Variants in CNTRL observed in about 807,000 individuals in gnomAD.
The protein encoded by CNTRL is 110 kDa centrosomal protein.
Under a neutral mutation model 303.7 loss-of-function variants are expected in CNTRL, and 233 were observed. The observed-to-expected ratio is 0.77, with a 90% CI of 0.69 to 0.86. CNTRL has a LOEUF of 0.86. Among genes scored for constraint, CNTRL ranks in the 40% least tolerant of loss-of-function variants. The pLI is 0.00. For synonymous variants in CNTRL, 900 were observed against 922.2 expected (o/e 0.98, Z 0.44); for missense variants, 2,524 against 2,650.6 (o/e 0.95, Z 1.05).
At chr9:121,117,750 C>T (rs527600390) in intron 11 of CNTRL, among the ~76,000 whole-genome samples, 10 of 152,156 alleles carry the variant, frequency 6.6e-5, no homozygotes, top group South Asian at 2.1e-4. Context: ...GAGGCCGAGA[C>T]GGGTGGATCA....
intron 14 of CNTRL, among the ~76,000 whole-genome samples, chr9:121,132,185 A>G (rs982697505): frequency 9.9e-5 from 15 of 152,116 alleles, no homozygotes; most frequent in Non-Finnish European, 1.8e-4. Context: ...CTGCCTTGCT[A>G]GGTTAGGGAA....
chr9:121,154,768 T>C lies in CNTRL; in HGVS notation c.4220T>C (p.Ile1407Thr). 1 of 1,611,496 alleles carries C rather than the reference T, an allele frequency of 6.2e-7. No homozygotes were observed. Among genetic ancestry groups the C allele is most frequent in the Non-Finnish European group, 8.5e-7 (1 of 1,177,706 alleles). Residue 1407 changes from isoleucine to threonine, a missense_variant, in exon 27 of 44, where the codon ATA (isoleucine) becomes ACA (threonine). Physicochemically the swap from Ile to Thr is moderately conservative, Grantham distance 89 (BLOSUM62 -1). Transcript: ENST00000373855. The part of the protein sequence containing the change: ...NVESLMTELE[I>T]EKSLKHHEDI... ...GAGAGTCTTATGACTGAACTAGAAATAGAAAAATCACTCAAACATCATGAA... is the reference window on the plus strand; with the variant it reads ...GAGAGTCTTATGACTGAACTAGAAACAGAAAAATCACTCAAACATCATGAA...
At chr9:121,087,232 G>A (rs568317023) in intron 2 of CNTRL, among the ~76,000 whole-genome samples, 1 of 152,130 alleles carries the variant, frequency 6.6e-6, no homozygotes, top group South Asian at 2.1e-4. Flanking sequence ...TTATTCCAGC[G>A]AGCAGTGTTC....
In CNTRL at chr9:121,162,080, G is replaced by A; in HGVS notation, c.5232G>A (p.Gln1744=). The A allele has an allele frequency of 1.2e-6, 2 of 1,614,196 alleles. No individual in the cohort carries two copies. Among genetic ancestry groups the A allele is most frequent in the Non-Finnish European group, 1.7e-6 (2 of 1,180,024 alleles). ...AGAAACTGGAGTTAGAGAATTTGCA[G>A]CAGATATCCCAGCAGCAGAAAGGGG... ...LEEKLELENL[Q]QISQQQKGEI... Residue 1744 remains glutamine, a synonymous_variant, in exon 34 of 44, where the codon CAG becomes CAA. Coordinates refer to ENST00000373855, the MANE Select transcript of CNTRL (RefSeq NM_007018.6).
rs2051778177 is a variant in CNTRL at position 121,145,268 on chromosome 9, G to T, written c.3193G>T (p.Gly1065Cys). The change falls in exon 22 of 44, where the codon GGT becomes TGT. Residue 1065 changes from glycine to cysteine, a missense_variant. Physicochemically the swap from Gly to Cys is radical, Grantham distance 159 (BLOSUM62 -3). Transcript: ENST00000373855. ...GTTTCGACTTGAGATGGAGAAAACA[G>T]GTGTAGGTACTGGAGCAAACTCACA... ...EQFRLEMEKT[G>C]VGTGANSQVL... 1 of 1,612,258 alleles carries T rather than the reference G, an allele frequency of 6.2e-7. No individual in the cohort carries two copies. The highest frequency in any genetic ancestry group is 1.3e-5 in the African/African-American group (1 of 74,902).
chr9:121,157,369 G>C lies in CNTRL; in HGVS notation c.4366-101G>C, dbSNP rs1192253321. 7 of 1,203,772 alleles carry C rather than the reference G, an allele frequency of 5.8e-6. No individual in the cohort carries two copies. The Admixed American group carries it at 1.6e-4, about 28-fold the overall frequency. The allele number at this position is 1,203,772 out of a possible 1,614,324, so 74.6% of individuals were successfully genotyped here. A position where few individuals can be genotyped will look rare whatever the true frequency, so the allele number is the denominator to read the frequency against. ...TGAATGGACATTTTTATGTCTTTCT[G>C]TACCATCTTGTTTTCCAAAAGAGCT... On this transcript the variant is annotated intron_variant, in intron 27 of 43. Coordinates refer to ENST00000373855, the MANE Select transcript of CNTRL (RefSeq NM_007018.6).
At chr9:121,126,089 T>C (rs2050507267) in intron 14 of CNTRL, among the ~76,000 whole-genome samples, 153 bp downstream of exon 14, 1 of 152,196 alleles carries the variant, frequency 6.6e-6, no homozygotes, top group Non-Finnish European at 1.5e-5. Context: ...GGCTTTTTTT[T>C]TTCTTCTTTA....
intron 39 of CNTRL, 39 bp downstream of exon 39, chr9:121,169,855 T>C (rs1410512222): frequency 2.5e-6 from 4 of 1,575,494 alleles, no homozygotes; most frequent in Non-Finnish European, 3.5e-6. Context: ...GAGGAAATGA[T>C]AAATTTAAAA....
chr9:121,177,481 G>C lies in CNTRL; in HGVS notation c.*295G>C, dbSNP rs1363838076. On this transcript the variant is annotated 3_prime_UTR_variant, in exon 44 of 44. Coordinates refer to ENST00000373855, the MANE Select transcript of CNTRL (RefSeq NM_007018.6). ...AAACAGTGATTTTAACTGCATATTT[G>C]AACCTACAAACTGGTAAATCTTATT... 3.0e-6 allele frequency: 1 copy of C among 334,744 alleles called. No individual in the cohort carries two copies. The highest frequency in any genetic ancestry group is 5.3e-6 in the Non-Finnish European group (1 of 187,508). 20.7% of individuals were successfully genotyped at this position (334,744 alleles called of 1,614,324 possible).
chr9:121,130,695 G>C (rs2050804599), intron 14 of CNTRL, among the ~76,000 whole-genome samples: 1 of 152,024 alleles, frequency 6.6e-6, no homozygotes, highest in South Asian at 2.1e-4. Flanking sequence ...GTTTGCTCTT[G>C]CTTCTCTAGT....
At position 121,145,395 on chromosome 9, in the gene CNTRL, TG is replaced by T. The variant is rs1397675066; in HGVS notation, c.3310+13del. ...GACCTCACTGGAAGTGGTAAAGTATTGGGCTTTGATTTTTGGCAGTGGTTTT... is the reference window on the plus strand; with the variant it reads ...GACCTCACTGGAAGTGGTAAAGTATTGGCTTTGATTTTTGGCAGTGGTTTT... On this transcript the variant is annotated intron_variant, in intron 22 of 43. Coordinates refer to ENST00000373855, the MANE Select transcript of CNTRL (RefSeq NM_007018.6). 10 of 1,585,494 alleles carry T rather than the reference TG, an allele frequency of 6.3e-6. No homozygotes were observed. Among genetic ancestry groups the T allele is most frequent in the Non-Finnish European group, 8.5e-6 (10 of 1,169,818 alleles).
intron 7 of CNTRL, among the ~76,000 whole-genome samples, chr9:121,104,770 C>G (rs1426396268): frequency 7.0e-6 from 1 of 142,360 alleles, no homozygotes; most frequent in Non-Finnish European, 1.5e-5. Context: ...GGTGCGATCT[C>G]AGCTCACTGC....
At chr9:121,171,096 TG>T (rs377140497) in intron 39 of CNTRL, among the ~76,000 whole-genome samples, 22 of 152,362 alleles carry the variant, frequency 1.4e-4, no homozygotes, top group African/African-American at 5.0e-4. Flanking sequence ...GGAATATAGA[TG>T]TCTAAAATTT....
intron 8 of CNTRL, among the ~76,000 whole-genome samples, chr9:121,109,053 C>T (rs1250180370): frequency 6.6e-6 from 1 of 152,014 alleles, no homozygotes; most frequent in Non-Finnish European, 1.5e-5. Context: ...GGATTGGTTC[C>T]AGGACACCCC....
At chr9:121,092,542 T>TC (rs2048655045) in intron 4 of CNTRL, among the ~76,000 whole-genome samples, 2 of 16,928 alleles carry the variant, frequency 1.2e-4, no homozygotes, top group African/African-American at 4.8e-4. Flanking sequence ...TCTATATATA[T>TC]TATATATATC....
chr9:121,171,436 A>G lies in CNTRL; in HGVS notation c.6305A>G (p.Gln2102Arg), dbSNP rs1294601919. 6.2e-7 allele frequency: 1 copy of G among 1,614,088 alleles called. No individual in the cohort carries two copies. The highest frequency in any genetic ancestry group is 8.5e-7 in the Non-Finnish European group (1 of 1,179,958). Residue 2102 changes from glutamine to arginine, a missense_variant, in exon 40 of 44, where the codon CAA becomes CGA. By Grantham distance (43) the Gln-to-Arg change is conservative. Transcript: ENST00000373855. ...LEQKQENSCI[Q>R]KEMATIELVA... is the part of the protein sequence containing the mutation. The stretch of plus-strand genomic sequence containing the variant: ...CAAAAACAGGAGAACAGCTGCATAC[A>G]AAAGGAAATGGCAACAATTGAACTG...
chr9:121,100,254 C>A (rs1244951000), intron 7 of CNTRL, among the ~76,000 whole-genome samples: 1 of 152,198 alleles, frequency 6.6e-6, no homozygotes, highest in Non-Finnish European at 1.5e-5. Context: ...GGCCAATATT[C>A]AACATTCTTA....
At chr9:121,097,126 G>T (rs2048926152) in intron 6 of CNTRL, among the ~76,000 whole-genome samples, 1 of 151,994 alleles carries the variant, frequency 6.6e-6, no homozygotes, top group Admixed American at 6.6e-5. Flanking sequence ...TTTTTCTCTG[G>T]AATATAGTTT....
intron 7 of CNTRL, among the ~76,000 whole-genome samples, chr9:121,101,068 A>G (rs2049141729): frequency 6.6e-6 from 1 of 151,582 alleles, no homozygotes; most frequent in Non-Finnish European, 1.5e-5. Flanking sequence ...CTAATACAGA[A>G]CTCTCCACCC....
Sources: gnomAD v4.1 joint callset for allele counts (sites outside exome capture counted in the v4.1 genomes callset) on GRCh38, gnomAD v4.1.1 for gene constraint, MANE v1.5 for transcripts, NCBI Gene and HGNC (gene_info 2026-07-23, HGNC 2026-07-21) for gene names.